The following PTCHD4 variants were observed in gnomAD, a reference collection of about 807,000 sequenced individuals.
PTCHD4 encodes patched domain containing 4, also known as patched domain-containing protein 4.
A neutral mutation model predicts 58.1 loss-of-function variants in PTCHD4; 33 were observed. That is an observed-to-expected ratio of 0.57 (90% CI 0.43 to 0.76). The LOEUF is 0.76. PTCHD4 is among the 30% of genes least tolerant of loss of function. The pLI is 0.00. For missense variants in PTCHD4, 1,058 were observed against 1,027.1 expected, an observed-to-expected ratio of 1.03 and a Z score of -0.41; for synonymous variants, 478 against 409.6, an observed-to-expected ratio of 1.17 and a Z score of -2.02.
intron 3 of PTCHD4, among the ~76,000 whole-genome samples, chr6:48,035,891 C>T (rs202074388): frequency 6.6e-6 from 1 of 152,094 alleles, no homozygotes. Context: ...TTCGCACTTT[C>T]GTTGGTTGTA....
intron 4 of PTCHD4, among the ~76,000 whole-genome samples, chr6:47,945,069 T>C (rs909190854): frequency 2.4e-4 from 37 of 152,076 alleles, no homozygotes; most frequent in Non-Finnish European, 2.9e-5. Flanking sequence ...CATTTATGTC[T>C]GCAAAGCAAT....
chr6:48,093,437 G>GT (rs34475274), intron 1 of PTCHD4, among the ~76,000 whole-genome samples: 2 of 151,936 alleles, frequency 1.3e-5, no homozygotes, highest in Admixed American at 6.6e-5. Flanking sequence ...AAAGTTAACT[G>GT]TTTTTTCTTT....
intron 1 of PTCHD4, among the ~76,000 whole-genome samples, chr6:48,077,615 C>A (rs1392718124): frequency 2.0e-5 from 3 of 152,208 alleles, no homozygotes; most frequent in African/African-American, 7.2e-5. Context: ...GCCTTTCAAA[C>A]TAAGCTTAAT....
rs1432373516 is a variant in PTCHD4 at position 47,870,230 on chromosome 6, TTTAA to T, written c.*8069_*8072del. 2.6e-5 allele frequency among the ~76,000 whole-genome samples: 4 copies of T among 151,624 alleles called. No homozygotes were observed. The highest frequency in any genetic ancestry group is 9.7e-5 in the African/African-American group (4 of 41,376). ...GACTTTTTTTTCCAAGTAGCTAAGA[TTTAA>T]TTGTTATTTTTCTTAAGATTTGTAC... On this transcript the variant is annotated 3_prime_UTR_variant, in exon 5 of 5. Coordinates refer to ENST00000339488, the MANE Select transcript of PTCHD4 (RefSeq NM_001384253.1).
intron 1 of PTCHD4, among the ~76,000 whole-genome samples, 177 bp from the exon 2 acceptor site, chr6:48,070,103 T>A (rs562986580): frequency 8.0e-4 from 120 of 150,454 alleles, no homozygotes; most frequent in Admixed American, 5.2e-3. Flanking sequence ...CTTCAAAAAC[T>A]AATATTAATA....
chr6:47,983,572 A>G (rs1225311108), intron 4 of PTCHD4, among the ~76,000 whole-genome samples: 1 of 152,208 alleles, frequency 6.6e-6, no homozygotes. Context: ...AGTTTTTTAT[A>G]GTGCAACCAT....
intron 3 of PTCHD4, among the ~76,000 whole-genome samples, chr6:48,032,287 G>A (rs528973787): frequency 2.4e-4 from 37 of 152,276 alleles, no homozygotes; most frequent in Non-Finnish European, 4.7e-4. Context: ...CATAAAAAGA[G>A]TGGTGTTAGA....
chr6:47,896,790 C>G (rs1764541418), intron 4 of PTCHD4, among the ~76,000 whole-genome samples: 1 of 152,210 alleles, frequency 6.6e-6, no homozygotes, highest in Non-Finnish European at 1.5e-5. Flanking sequence ...GCATATTACA[C>G]TCTCCTCTCA....
At chr6:48,003,877 T>C (rs371751495) in intron 4 of PTCHD4, among the ~76,000 whole-genome samples, 1 of 152,290 alleles carries the variant, frequency 6.6e-6, no homozygotes, top group Non-Finnish European at 1.5e-5. Context: ...TTAGCACATA[T>C]ATTTCTCTCT....
chr6:48,028,105 C>T (rs530905418), intron 3 of PTCHD4, among the ~76,000 whole-genome samples: 13 of 152,040 alleles, frequency 8.6e-5, no homozygotes, highest in East Asian at 5.8e-4. Flanking sequence ...CTATGCCTGG[C>T]TAATTTTTGT....
chr6:47,974,951 GTTTA>G (rs1328528663), intron 4 of PTCHD4, among the ~76,000 whole-genome samples: 1 of 152,100 alleles, frequency 6.6e-6, no homozygotes, highest in East Asian at 1.9e-4. Context: ...TTCAATGACT[GTTTA>G]TTTACTAGGA....
At chr6:47,906,958 A>G (rs1390799162) in intron 4 of PTCHD4, among the ~76,000 whole-genome samples, 2 of 152,218 alleles carry the variant, frequency 1.3e-5, no homozygotes, top group African/African-American at 4.8e-5. Flanking sequence ...TAGGAAAGAG[A>G]CAGGAAATGT....
chr6:47,921,112 C>T (rs1295266066), intron 4 of PTCHD4, among the ~76,000 whole-genome samples: 3 of 152,142 alleles, frequency 2.0e-5, no homozygotes, highest in African/African-American at 7.2e-5. Flanking sequence ...ATTGTCACTA[C>T]TCTAAATATA....
intron 4 of PTCHD4, among the ~76,000 whole-genome samples, chr6:47,891,091 G>T (rs191902471): frequency 1.5e-3 from 231 of 150,494 alleles, no homozygotes; most frequent in Non-Finnish European, 2.3e-3. Context: ...GTGTGGTGGC[G>T]CATGCCTGTA....
At chr6:47,888,544 T>C (rs1042086291) in intron 4 of PTCHD4, among the ~76,000 whole-genome samples, 2 of 152,150 alleles carry the variant, frequency 1.3e-5, no homozygotes, top group African/African-American at 2.4e-5. Context: ...TTGTATATTT[T>C]ATATATATAT....
intron 1 of PTCHD4, among the ~76,000 whole-genome samples, chr6:48,097,039 T>C (rs1393927328): frequency 1.3e-5 from 2 of 152,148 alleles, no homozygotes; most frequent in Non-Finnish European, 2.9e-5. Context: ...AACAGTTAAG[T>C]AATAATTATA....
intron 1 of PTCHD4, among the ~76,000 whole-genome samples, chr6:48,083,297 T>C (rs1231559519): frequency 1.3e-5 from 2 of 152,018 alleles, no homozygotes; most frequent in Admixed American, 6.6e-5. Flanking sequence ...AAACAAATTC[T>C]CATATATTTT....
chr6:48,046,225 G>T (rs553236209), intron 3 of PTCHD4, among the ~76,000 whole-genome samples: 5 of 151,830 alleles, frequency 3.3e-5, no homozygotes, highest in African/African-American at 1.2e-4. Flanking sequence ...ATTGTATATT[G>T]TTGGGCCACT....
intron 4 of PTCHD4, among the ~76,000 whole-genome samples, chr6:47,961,092 C>A (rs1767072009): frequency 6.6e-6 from 1 of 151,172 alleles, no homozygotes. Flanking sequence ...CATACTAGGC[C>A]ATCAAACAGT....
Sources: gnomAD v4.1 joint callset for allele counts (sites outside exome capture counted in the v4.1 genomes callset) on GRCh38, gnomAD v4.1.1 for gene constraint, MANE v1.5 for transcripts, NCBI Gene and HGNC (gene_info 2026-07-23, HGNC 2026-07-21) for gene names.